The following TOGARAM2 variants were observed in gnomAD, a reference collection of about 807,000 sequenced individuals.
TOGARAM2 encodes the protein TOG array regulator of axonemal microtubules protein 2.
Under a neutral mutation model 93.3 loss-of-function variants are expected in TOGARAM2, and 85 were observed. The observed-to-expected ratio is 0.91, with a 90% CI of 0.76 to 1.09. TOGARAM2 has a LOEUF of 1.09. Ranked by LOEUF, TOGARAM2 falls within the 50% of genes least tolerant of loss-of-function variation. The probability of loss-of-function intolerance (pLI) is 0.00; values close to 1 mark genes in which losing one functional copy is unlikely to be tolerated. For missense variants in TOGARAM2, 1,277 were observed against 1,334.5 expected (o/e 0.96, Z 0.67); for synonymous variants, 593 against 552.8 (o/e 1.07, Z -1.02).
chr2:29,034,640 C>T (rs1365846354), intron 16 of TOGARAM2, among the ~76,000 whole-genome samples: 4 of 152,118 alleles, frequency 2.6e-5, no homozygotes, highest in Admixed American at 1.3e-4. Context: ...AGGTGGGAGA[C>T]AGTAGTTCTG....
At chr2:29,009,479 G>A (rs992954917) in intron 6 of TOGARAM2, among the ~76,000 whole-genome samples, 1 of 151,672 alleles carries the variant, frequency 6.6e-6, no homozygotes, top group African/African-American at 2.4e-5. Context: ...GAAGGCAAAG[G>A]GTGGCTGAGC....
At chr2:28,975,337 C>T (rs552970183) in intron 1 of TOGARAM2, among the ~76,000 whole-genome samples, 173 of 151,848 alleles carry the variant, frequency 1.1e-3, no homozygotes, top group Non-Finnish European at 2.1e-3. Context: ...TACAGGTGCC[C>T]GCCACCACGC....
chr2:29,035,362 G>C, intron 16 of TOGARAM2, 102 bp from the exon 17 acceptor site: 4 of 1,111,564 alleles, frequency 3.6e-6, no homozygotes, highest in Non-Finnish European at 4.6e-6. Flanking sequence ...TGACACTCTT[G>C]TCTCTGCCCC....
At chr2:28,988,762 A>G (rs1245925499) in intron 1 of TOGARAM2, among the ~76,000 whole-genome samples, 2 of 151,742 alleles carry the variant, frequency 1.3e-5, no homozygotes, top group Non-Finnish European at 1.5e-5. Context: ...TATACCTTCC[A>G]CTCACGCCTC....
chr2:29,018,616 G>A (rs1371873867), intron 10 of TOGARAM2: 1 of 152,104 alleles, frequency 6.6e-6, no homozygotes, highest in Non-Finnish European at 1.5e-5. Flanking sequence ...ATGGACTAGA[G>A]CATAATTTCC....
intron 8 of TOGARAM2, 86 bp from the exon 9 acceptor site, chr2:29,017,068 G>T (rs1664620142): frequency 4.6e-6 from 7 of 1,521,784 alleles, no homozygotes; most frequent in South Asian, 1.3e-5. Context: ...ACAGCAATTG[G>T]CACACAGTAG....
At chr2:28,979,588 T>C (rs1410927535), upstream of TOGARAM2, among the ~76,000 whole-genome samples, 1 of 152,218 alleles carries the variant, frequency 6.6e-6, no homozygotes, top group Non-Finnish European at 1.5e-5. Flanking sequence ...ACTCAGCTCC[T>C]GAGGGCAGGC....
At chr2:28,974,564 G>A (rs1038007067) in intron 1 of TOGARAM2, among the ~76,000 whole-genome samples, 1 of 151,942 alleles carries the variant, frequency 6.6e-6, no homozygotes, top group Non-Finnish European at 1.5e-5. Flanking sequence ...TCATACAAAT[G>A]TTAGATATTT....
In TOGARAM2 at chr2:29,002,592, C is replaced by G; in HGVS notation, c.484C>G (p.Arg162Gly). 6.2e-7 allele frequency: 1 copy of G among 1,614,008 alleles called. No homozygotes were observed. The highest frequency in any genetic ancestry group is 1.1e-5 in the South Asian group (1 of 91,076). ...QGVPLHSTIP[R>G]ATSQRLLRVP... Reference sequence around the variant, plus strand: ...AGTTCCCCTGCACAGCACCATCCCCCGAGCCACCTCTCAGAGGCTGCTGAG... The same window carrying G: ...AGTTCCCCTGCACAGCACCATCCCCGGAGCCACCTCTCAGAGGCTGCTGAG... Residue 162 changes from arginine to glycine, a missense_variant, in exon 5 of 20, where the codon CGA becomes GGA. Coordinates refer to ENST00000379558, the MANE Select transcript of TOGARAM2 (RefSeq NM_199280.4).
intron 1 of TOGARAM2, among the ~76,000 whole-genome samples, chr2:28,989,904 ATTCCCCTTCATATCTTAGTAC>A (rs1379509019): frequency 1.8e-4 from 28 of 152,234 alleles, no homozygotes; most frequent in Non-Finnish European, 2.9e-4. Context: ...TTTTAGTCTT[ATTCCCCTTCATATCTTAGTAC>A]CTATGGCATG....
chr2:28,999,767 C>T (rs1673189807), intron 4 of TOGARAM2, among the ~76,000 whole-genome samples: 1 of 152,218 alleles, frequency 6.6e-6, no homozygotes, highest in East Asian at 1.9e-4. Context: ...ACCAACTATG[C>T]TCAAAATCAG....
At position 28,956,688 on chromosome 2, in the gene TOGARAM2, T is replaced by G. The variant is rs2148208843; in HGVS notation, c.-156T>G. ...TGCCTTATGTGCACCTGTGCCAGCA[T>G]CTTTCTCAGGTGGGTAAGGAGAGGT... On this transcript the variant is annotated 5_prime_UTR_variant, in exon 1 of 7. Coordinates refer to the TOGARAM2 transcript ENST00000401723. The surrounding 1 kb of genome is among the most constrained non-coding windows in gnomAD (Gnocchi z 4.5). 6.6e-6 allele frequency: 1 copy of G among 152,322 alleles called. No homozygotes were observed. The allele number at this position is 152,322 out of a possible 1,614,324, so 9.4% of individuals were successfully genotyped here. A position where few individuals can be genotyped will look rare whatever the true frequency, so the allele number is the denominator to read the frequency against.
chr2:29,039,693 C>A (rs1212162958), intron 18 of TOGARAM2, among the ~76,000 whole-genome samples: 1 of 152,220 alleles, frequency 6.6e-6, no homozygotes, highest in East Asian at 1.9e-4. Flanking sequence ...TGCCATCTCT[C>A]ACTGCCAGCC....
At position 29,005,118 on chromosome 2, in the gene TOGARAM2, G is replaced by T. The variant is rs1425739143; in HGVS notation, c.830+1436G>T. On this transcript the variant is annotated intron_variant, in intron 6 of 19. Coordinates refer to ENST00000379558, the MANE Select transcript of TOGARAM2 (RefSeq NM_199280.4). Reference sequence around the variant, plus strand: ...TGCATGTTGTGAGTGCATGTGTATGGGTGTGTGTGCATGTGTATGTGTGTG... The same window carrying T: ...TGCATGTTGTGAGTGCATGTGTATGTGTGTGTGTGCATGTGTATGTGTGTG... Among the ~76,000 whole-genome samples, 11 of 144,552 alleles carry T rather than the reference G, an allele frequency of 7.6e-5. 1 individual carries two copies. The highest frequency in any genetic ancestry group is 2.4e-4 in the African/African-American group (9 of 37,684). 94.8% of individuals were successfully genotyped at this position (144,552 alleles called of 152,430 possible). A position where few individuals can be genotyped will look rare whatever the true frequency, so the allele number is the denominator to read the frequency against.
At chr2:28,999,032 G>A (rs932143269) in intron 3 of TOGARAM2, 149 bp from the exon 4 acceptor site, 51 of 793,568 alleles carry the variant, frequency 6.4e-5, no homozygotes, top group African/African-American at 2.4e-4. Context: ...TGAATGACTC[G>A]TCCCCAGGAG....
chr2:29,051,123 T>A (rs1454769083), intron 19 of TOGARAM2: 2 of 152,250 alleles, frequency 1.3e-5, no homozygotes, highest in Non-Finnish European at 2.9e-5. Flanking sequence ...GCCAGCATGC[T>A]TCATGTGAGA....
intron 6 of TOGARAM2, among the ~76,000 whole-genome samples, chr2:29,006,103 TGTGTG>T (rs1429260637): frequency 1.0e-4 from 6 of 58,138 alleles, no homozygotes; most frequent in Non-Finnish European, 2.5e-4. Flanking sequence ...GGGGTGCATG[TGTGTG>T]GAGTGCATAT....
intron 16 of TOGARAM2, 121 bp downstream of exon 16, chr2:29,033,684 T>C (rs1387338517): frequency 6.1e-6 from 5 of 822,616 alleles, no homozygotes; most frequent in African/African-American, 3.5e-5. Flanking sequence ...CGCTGAGACC[T>C]AGTTGGGGCT....
At chr2:29,042,335 G>A (rs966114814) in intron 18 of TOGARAM2, among the ~76,000 whole-genome samples, 7 of 152,230 alleles carry the variant, frequency 4.6e-5, no homozygotes, top group Non-Finnish European at 8.8e-5. Context: ...GTGCACCGTG[G>A]GAGCATGGTC....
Sources: gnomAD v4.1 joint callset for allele counts (sites outside exome capture counted in the v4.1 genomes callset) on GRCh38, gnomAD v4.1.1 for gene constraint, Gnocchi (gnomAD v3.1) non-coding constraint, MANE v1.5 for transcripts, NCBI Gene and HGNC (gene_info 2026-07-23, HGNC 2026-07-21) for gene names.